CERT1: variants seen among roughly 807,000 people sequenced by gnomAD.
CERT1 encodes ceramide transporter 1.
Under a neutral mutation model 87.9 loss-of-function variants are expected in CERT1, and 31 were observed. The ratio of observed to expected loss-of-function variants is 0.35; its 90% CI spans 0.27 to 0.48. The LOEUF is 0.48. Ranked by LOEUF, CERT1 falls within the 20% of genes least tolerant of loss-of-function variation. CERT1 has a pLI of 0.99. For missense variants in CERT1, 487 were observed against 758.0 expected, an observed-to-expected ratio of 0.64 and a Z score of 4.20; for synonymous variants, 289 against 250.9, an observed-to-expected ratio of 1.15 and a Z score of -1.44.
intron 8 of CERT1, among the ~76,000 whole-genome samples, chr5:75,405,478 A>C (rs1346665660): frequency 6.6e-6 from 1 of 152,188 alleles, no homozygotes. Flanking sequence ...TTTGTATCTA[A>C]TATAGAAGAC....
chr5:75,508,144 G>A (rs577485725), intron 1 of CERT1, among the ~76,000 whole-genome samples: 1 of 152,018 alleles, frequency 6.6e-6, no homozygotes, highest in African/African-American at 2.4e-5. Flanking sequence ...AATTGTTTAG[G>A]GCATTCAAGA....
intron 14 of CERT1, among the ~76,000 whole-genome samples, chr5:75,383,300 GATT>G (rs1392639382): frequency 1.3e-5 from 2 of 151,970 alleles, no homozygotes; most frequent in Non-Finnish European, 2.9e-5. Context: ...TTACATATAA[GATT>G]ATTTTAATAA....
intron 5 of CERT1, among the ~76,000 whole-genome samples, chr5:75,423,223 C>T (rs1367540163): frequency 1.3e-5 from 2 of 152,212 alleles, no homozygotes; most frequent in African/African-American, 2.4e-5. Context: ...CCTTCTAATA[C>T]TATACGCTAT....
chr5:75,376,737 T>C (rs937751296), downstream of CERT1: 4 of 152,232 alleles, frequency 2.6e-5, no homozygotes, highest in Non-Finnish European at 4.4e-5. Context: ...GACTGGAACC[T>C]ATTTAATATT....
At chr5:75,375,840 T>C (rs1349664753), downstream of CERT1, 1 of 148,812 alleles carries the variant, frequency 6.7e-6, no homozygotes, top group Non-Finnish European at 1.5e-5. Context: ...TTATCTTCCA[T>C]AATTATTGTA....
chr5:75,426,279 G>T, intron 4 of CERT1, 92 bp downstream of exon 4: 1 of 802,826 alleles, frequency 1.2e-6, no homozygotes, highest in Non-Finnish European at 2.0e-6. Flanking sequence ...AAAAAAGTTT[G>T]TTCAAAAAAT....
At chr5:75,469,846 T>C (rs1195178124) in intron 2 of CERT1, among the ~76,000 whole-genome samples, 6 of 152,230 alleles carry the variant, frequency 3.9e-5, no homozygotes, top group Admixed American at 3.9e-4. Flanking sequence ...CATTTCAACA[T>C]ATACATACTG....
intron 5 of CERT1, among the ~76,000 whole-genome samples, chr5:75,422,839 A>C (rs1451669014): frequency 6.6e-6 from 1 of 152,204 alleles, no homozygotes; most frequent in Non-Finnish European, 1.5e-5. Context: ...ATGACTGTAC[A>C]ATATGCAGAA....
rs148645687 is a variant in CERT1 at position 75,386,032 on chromosome 5, T to C, written c.1287A>G (p.Val429=). 497 of 1,527,666 alleles carry C rather than the reference T, an allele frequency of 3.3e-4. No homozygotes were observed. The highest frequency in any genetic ancestry group is 4.2e-4 in the Non-Finnish European group (479 of 1,140,786). 94.6% of individuals were successfully genotyped at this position (1,527,666 alleles called of 1,614,324 possible). A position where few individuals can be genotyped will look rare whatever the true frequency, so the allele number is the denominator to read the frequency against. ...CATTTTCTTCTACTTCTCTTCTGTA[T>C]ACCTAAAGAGAACATAATTCCAAAA... ...QLVVEEGEMK[V]YRREVEENGI... The change falls in exon 13 of 17, where the codon GTA becomes GTG. Residue 429 remains valine, a splice_region_variant and synonymous_variant. Transcript: ENST00000643780.
At chr5:75,406,538 A>G (rs1762711831) in intron 8 of CERT1, among the ~76,000 whole-genome samples, 1 of 151,304 alleles carries the variant, frequency 6.6e-6, no homozygotes. Flanking sequence ...ACATTATGGT[A>G]AGTCTTTTTT....
Position 75,379,369 on chromosome 5 carries a change from C to CA in CERT1, c.1851dup (p.Ala618CysfsTer25). The CA allele has an allele frequency of 6.2e-7, 1 of 1,613,572 alleles. No individual in the cohort carries two copies. The highest frequency in any genetic ancestry group is 8.5e-7 in the Non-Finnish European group (1 of 1,179,584). ...TACTAGAACAAAATAGGCTTTCCTGCAGTTTTTTCTTGGACGTAAGAAGTA... is the reference window on the plus strand; with the variant it reads ...TACTAGAACAAAATAGGCTTTCCTGCAAGTTTTTTCTTGGACGTAAGAAGTA... On this transcript the variant is annotated frameshift_variant, in exon 17 of 17. Coordinates refer to ENST00000643780, the MANE Select transcript of CERT1 (RefSeq NM_001379029.1). LOFTEE classifies it high-confidence loss of function.
At chr5:75,428,494 C>T (rs11743634) in intron 3 of CERT1, among the ~76,000 whole-genome samples, 4,693 of 152,116 alleles carry the variant, frequency 0.031, 108 homozygotes, top group Middle Eastern at 0.071. Context: ...CTGGCTAACA[C>T]GGTGAAACCC....
At chr5:75,474,722 T>C (rs1390786998) in intron 2 of CERT1, among the ~76,000 whole-genome samples, 1 of 152,126 alleles carries the variant, frequency 6.6e-6, no homozygotes, top group Non-Finnish European at 1.5e-5. Flanking sequence ...TCTCACCATA[T>C]GCAAAATTCA....
intron 7 of CERT1, among the ~76,000 whole-genome samples, chr5:75,414,851 GT>G (rs1205597551): frequency 1.3e-5 from 2 of 152,060 alleles, no homozygotes; most frequent in South Asian, 4.1e-4. Flanking sequence ...GCTCATCACT[GT>G]TTTCCCATTC....
intron 2 of CERT1, among the ~76,000 whole-genome samples, chr5:75,469,595 T>A (rs527756237): frequency 7.9e-5 from 12 of 152,010 alleles, no homozygotes; most frequent in Admixed American, 3.9e-4. Flanking sequence ...GCAAAAAACC[T>A]GCAATAAATA....
chr5:75,467,981 C>T (rs1445135709), intron 2 of CERT1, among the ~76,000 whole-genome samples: 1 of 152,140 alleles, frequency 6.6e-6, no homozygotes, highest in African/African-American at 2.4e-5. Context: ...AAGTGAAAAA[C>T]TTAAACATTC....
intron 9 of CERT1, chr5:75,401,668 G>C (rs760769610): frequency 1.2e-4 from 19 of 152,222 alleles, no homozygotes; most frequent in East Asian, 9.7e-4. Context: ...TGAGCAATAA[G>C]CTTTACAAAT....
At chr5:75,509,506 C>A (rs958371806) in intron 1 of CERT1, among the ~76,000 whole-genome samples, 3 of 152,100 alleles carry the variant, frequency 2.0e-5, no homozygotes, top group African/African-American at 7.2e-5. Flanking sequence ...TATTCACCTT[C>A]CATAGAGGTG....
Position 75,495,106 on chromosome 5 carries a change from G to A in CERT1, c.231+10876C>T, listed in dbSNP as rs145662008. 8.0e-4 allele frequency among the ~76,000 whole-genome samples: 122 copies of A among 152,236 alleles called. No individual in the cohort carries two copies. In the East Asian group the frequency reaches 0.02, roughly 25 times the overall value. ...CATGGCTTCTCAGTCTTTTGGTTCC[G>A]TATAATTAATTTATAAGTAATCTTT... On this transcript the variant is annotated intron_variant, in intron 2 of 16. Transcript: ENST00000643780.
Sources: gnomAD v4.1 joint callset for allele counts (sites outside exome capture counted in the v4.1 genomes callset) on GRCh38, gnomAD v4.1.1 for gene constraint, MANE v1.5 for transcripts, NCBI Gene and HGNC (gene_info 2026-07-23, HGNC 2026-07-21) for gene names.